The following VAV3 variants were observed in gnomAD, a reference collection of about 807,000 sequenced individuals.
VAV3 encodes the protein guanine nucleotide exchange factor VAV3.
In VAV3, 94 loss-of-function variants were observed where a neutral mutation model predicts 131.2. The observed-to-expected ratio is 0.72, with a 90% CI of 0.61 to 0.85. The LOEUF (loss-of-function observed/expected upper bound fraction) is 0.85, where lower values mean the gene tolerates loss of function less well. Ranked by LOEUF, VAV3 falls within the 40% of genes least tolerant of loss-of-function variation. VAV3 has a pLI of 0.00. For missense variants in VAV3, 939 were observed against 1,002.7 expected (o/e 0.94, Z 0.86); for synonymous variants, 349 against 342.0 (o/e 1.02, Z -0.22).
intron 8 of VAV3, among the ~76,000 whole-genome samples, chr1:107,765,468 A>G (rs1205477960): frequency 1.3e-5 from 2 of 152,254 alleles, no homozygotes; most frequent in East Asian, 3.8e-4. Context: ...TTGAGTAGAC[A>G]TAAATGCATT....
rs966394125 is a variant in VAV3 at position 107,640,467 on chromosome 1, C to T, written c.1914+2152G>A. Among the ~76,000 whole-genome samples, 17 of 152,010 alleles carry T rather than the reference C, an allele frequency of 1.1e-4. No individual in the cohort carries two copies. The South Asian group carries it at 1.5e-3, about 13-fold the overall frequency. On this transcript the variant is annotated intron_variant, in intron 20 of 26. Transcript: ENST00000370056. ...GGTTGCTGAGGGTTGTTGCGCAAGG[C>T]GGAACAAAGCAACAGGAAGGAGCAT... is the stretch of plus-strand genomic sequence containing the variant.
Position 107,938,329 on chromosome 1 carries a change from G to A in VAV3, c.204+26337C>T, listed in dbSNP as rs538869734. ...AAGGAAAGCTGAGGAGGAAGGAGCC[G>A]CCAGATGGGACCAAGAAGGCGAGAG... On this transcript the variant is annotated intron_variant, in intron 1 of 26. Coordinates refer to ENST00000370056, the MANE Select transcript of VAV3 (RefSeq NM_006113.5). Among the ~76,000 whole-genome samples, 6 of 152,302 alleles carry A rather than the reference G, an allele frequency of 3.9e-5. No homozygotes were observed. The South Asian group carries it at 6.2e-4, about 16-fold the overall frequency.
At position 107,656,972 on chromosome 1, in the gene VAV3, G is replaced by A. The variant is rs113325435; in HGVS notation, c.1778-14217C>T. Among the ~76,000 whole-genome samples, 146 of 103,476 alleles carry A rather than the reference G, an allele frequency of 1.4e-3. 2 individuals are homozygous for A. Among genetic ancestry groups the A allele is most frequent in the African/African-American group, 5.6e-3 (141 of 25,396 alleles). The allele number at this position is 103,476 out of a possible 152,430, so 67.9% of individuals were successfully genotyped here. A position where few individuals can be genotyped will look rare whatever the true frequency, so the allele number is the denominator to read the frequency against. ...TTTTTTTTTTTTTTTTTTTTTTTCC[G>A]AGACGATGTCTCGCTCTGTCACACA... On this transcript the variant is annotated intron_variant, in intron 19 of 26. Coordinates refer to ENST00000370056, the MANE Select transcript of VAV3 (RefSeq NM_006113.5).
intron 20 of VAV3, among the ~76,000 whole-genome samples, chr1:107,630,348 AGGATGGATGGAT>A (rs112495050): frequency 1.3e-5 from 2 of 150,678 alleles, no homozygotes; most frequent in Non-Finnish European, 3.0e-5. Flanking sequence ...AATGGATGGG[AGGATGGATGGAT>A]GGATGGATGG....
At chr1:107,846,492 C>G (rs1175620276) in intron 2 of VAV3, among the ~76,000 whole-genome samples, 1 of 152,096 alleles carries the variant, frequency 6.6e-6, no homozygotes, top group Non-Finnish European at 1.5e-5. Context: ...AGAGTCAAGA[C>G]CCATTGGTGT....
At chr1:107,753,437 C>CTA (rs1663860451) in intron 12 of VAV3, among the ~76,000 whole-genome samples, 1 of 148,948 alleles carries the variant, frequency 6.7e-6, no homozygotes. Context: ...CAAATTAATG[C>CTA]TATATATATT....
At chr1:107,595,836 G>T (rs1651333681) in intron 25 of VAV3, among the ~76,000 whole-genome samples, 1 of 152,146 alleles carries the variant, frequency 6.6e-6, no homozygotes, top group African/African-American at 2.4e-5. Context: ...TAACTGGAGA[G>T]CTGTGTACCA....
At position 107,571,249 on chromosome 1, in the gene VAV3, T is replaced by G. The variant is rs1649240353; in HGVS notation, c.*2082A>C. ...CTAATTCACCGTATTACACGAGGGC[T>G]GCATACAGGCAAGACAAAGTATATG... On this transcript the variant is annotated 3_prime_UTR_variant, in exon 27 of 27. Coordinates refer to ENST00000370056, the MANE Select transcript of VAV3 (RefSeq NM_006113.5). The G allele has an allele frequency of 6.5e-6, 1 of 152,702 alleles. No homozygotes were observed. Among genetic ancestry groups the G allele is most frequent in the Admixed American group, 6.5e-5 (1 of 15,292 alleles). 9.5% of individuals were successfully genotyped at this position (152,702 alleles called of 1,614,324 possible).
At chr1:107,596,080 G>GA in intron 25 of VAV3, 132 bp downstream of exon 25, 1 of 1,229,742 alleles carries the variant, frequency 8.1e-7, no homozygotes, top group East Asian at 2.5e-5. Context: ...CTTAACTCCA[G>GA]AAAAGAAGTC....
At chr1:107,800,851 T>G (rs1666796261) in intron 2 of VAV3, among the ~76,000 whole-genome samples, 1 of 152,218 alleles carries the variant, frequency 6.6e-6, no homozygotes, top group African/African-American at 2.4e-5. Flanking sequence ...CTATCTTTGC[T>G]TTGGCTGCCT....
At chr1:107,876,523 G>A (rs1425435727) in intron 1 of VAV3, among the ~76,000 whole-genome samples, 2 of 152,142 alleles carry the variant, frequency 1.3e-5, no homozygotes, top group East Asian at 3.9e-4. Flanking sequence ...TTCCCCAAAT[G>A]TAGTCCTGAT....
At chr1:107,733,964 G>A (rs541513159) in intron 15 of VAV3, among the ~76,000 whole-genome samples, 1 of 152,268 alleles carries the variant, frequency 6.6e-6, no homozygotes, top group Non-Finnish European at 1.5e-5. Flanking sequence ...CAGAGAGAAA[G>A]GTCAGGTTAC....
At position 107,898,282 on chromosome 1, in the gene VAV3, C is replaced by A. The variant is rs142325628; in HGVS notation, c.205-23265G>T. ...TGGGTAGTGAGAGTTCCTCTTATTT[C>A]TGCTCTCTTCATAAGTAGAAATTAC... On this transcript the variant is annotated intron_variant, in intron 1 of 26. Coordinates refer to ENST00000370056, the MANE Select transcript of VAV3 (RefSeq NM_006113.5). 2.2e-3 allele frequency among the ~76,000 whole-genome samples: 340 copies of A among 152,244 alleles called. 1 individual carries two copies. Among genetic ancestry groups the A allele is most frequent in the African/African-American group, 7.7e-3 (321 of 41,552 alleles).
intron 25 of VAV3, among the ~76,000 whole-genome samples, chr1:107,575,013 GCGCA>G (rs1649535597): frequency 2.2e-4 from 5 of 22,960 alleles, no homozygotes; most frequent in African/African-American, 5.4e-4. Flanking sequence ...GCGCGCGCGC[GCGCA>G]CACGCGCGCG....
chr1:107,601,896 T>A (rs767076998), intron 24 of VAV3, among the ~76,000 whole-genome samples: 1 of 152,186 alleles, frequency 6.6e-6, no homozygotes, highest in Admixed American at 6.5e-5. Flanking sequence ...TGTTACCTTG[T>A]TAATGCATAA....
At position 107,666,595 on chromosome 1, in the gene VAV3, G is replaced by A. The variant is rs553661752; in HGVS notation, c.1777+16893C>T. 2.4e-3 allele frequency among the ~76,000 whole-genome samples: 363 copies of A among 150,018 alleles called. 8 individuals are homozygous for A. Among genetic ancestry groups the A allele is most frequent in the Admixed American group, 0.022 (328 of 15,080 alleles). On this transcript the variant is annotated intron_variant, in intron 19 of 26. Coordinates refer to ENST00000370056, the MANE Select transcript of VAV3 (RefSeq NM_006113.5). ...GACTTTTTTTTTTTTTTTTGAGACG[G>A]AGTCTCACTCTGCCACCAGGCTGGA... is the stretch of plus-strand genomic sequence containing the variant.
intron 20 of VAV3, among the ~76,000 whole-genome samples, chr1:107,631,168 A>T (rs1021439600): frequency 6.6e-6 from 1 of 152,100 alleles, no homozygotes; most frequent in Non-Finnish European, 1.5e-5. Context: ...TTTTTGAGAC[A>T]TAAAATATAC....
intron 19 of VAV3, among the ~76,000 whole-genome samples, chr1:107,651,846 T>C (rs991285306): frequency 3.3e-5 from 5 of 152,060 alleles, no homozygotes; most frequent in African/African-American, 1.2e-4. Flanking sequence ...AAATTTGAAC[T>C]CCTGGTCACT....
At position 107,635,120 on chromosome 1, in the gene VAV3, G is replaced by A. The variant is rs553463400; in HGVS notation, c.1914+7499C>T. On this transcript the variant is annotated intron_variant, in intron 20 of 26. Transcript: ENST00000370056. ...TTTGACCCAGCAATCCCATTACTGG[G>A]TATATACCCAAAGAATTATAAATCA... Among the ~76,000 whole-genome samples the A allele has an allele frequency of 2.9e-3, 445 of 152,168 alleles. 3 individuals carry two copies. The highest frequency in any genetic ancestry group is 0.01 in the African/African-American group (428 of 41,486).
Sources: allele counts gnomAD v4.1 joint callset (sites outside exome capture counted in the v4.1 genomes callset), GRCh38; gene constraint gnomAD v4.1.1; transcripts MANE v1.5; gene names NCBI Gene and HGNC (gene_info 2026-07-23, HGNC 2026-07-21).